The following RSU1 variants were observed in gnomAD, a reference collection of about 807,000 sequenced individuals.
The protein encoded by RSU1 is rsu-1.
RSU1 carries 26 observed loss-of-function variants against 31.1 expected under a neutral mutation model. The ratio of observed to expected loss-of-function variants is 0.84; its 90% confidence interval spans 0.61 to 1.16. RSU1 has a LOEUF of 1.16. Among genes scored for constraint, RSU1 ranks in the 50% most tolerant of loss-of-function variants. RSU1 has a pLI of 0.00. For missense variants in RSU1, 320 were observed against 339.1 expected (o/e 0.94, Z 0.44); for synonymous variants, 164 against 136.3 (o/e 1.20, Z -1.41).
At chr10:16,787,060 T>C (rs1486259486) in intron 2 of RSU1, among the ~76,000 whole-genome samples, 1 of 152,036 alleles carries the variant, frequency 6.6e-6, no homozygotes, top group Non-Finnish European at 1.5e-5. Context: ...CAGAAGACAG[T>C]GCTTGATGTT....
At chr10:16,646,232 C>G (rs978093393) in intron 8 of RSU1, among the ~76,000 whole-genome samples, 1 of 151,814 alleles carries the variant, frequency 6.6e-6, no homozygotes, top group African/African-American at 2.4e-5. Flanking sequence ...TAGGAGAAAG[C>G]CCGTTCCCCA....
intron 8 of RSU1, among the ~76,000 whole-genome samples, chr10:16,599,735 T>C (rs1381333831): frequency 6.6e-6 from 1 of 152,260 alleles, no homozygotes; most frequent in Admixed American, 6.5e-5. Flanking sequence ...GAAGCTTCTC[T>C]GACGCAGGCT....
chr10:16,734,057 T>C (rs1051576784), intron 7 of RSU1, among the ~76,000 whole-genome samples: 1 of 152,200 alleles, frequency 6.6e-6, no homozygotes, highest in African/African-American at 2.4e-5. Flanking sequence ...ACGACTCCAA[T>C]TGCTAAACTG....
chr10:16,627,257 T>C (rs569333045), intron 8 of RSU1, among the ~76,000 whole-genome samples: 1 of 152,230 alleles, frequency 6.6e-6, no homozygotes, highest in Non-Finnish European at 1.5e-5. Flanking sequence ...ATATATTGAA[T>C]GTACTCAACA....
intron 2 of RSU1, among the ~76,000 whole-genome samples, chr10:16,786,657 C>T (rs1405584101): frequency 6.6e-6 from 1 of 152,120 alleles, no homozygotes; most frequent in African/African-American, 2.4e-5. Context: ...TTTAAACACC[C>T]TACGTTCACC....
chr10:16,615,927 G>T (rs920598086), intron 8 of RSU1, among the ~76,000 whole-genome samples: 3 of 152,244 alleles, frequency 2.0e-5, no homozygotes, highest in South Asian at 2.1e-4. Flanking sequence ...AAGCTGGAAA[G>T]ATCTGAAATC....
intron 8 of RSU1, among the ~76,000 whole-genome samples, chr10:16,613,862 G>T (rs1269425371): frequency 6.6e-6 from 1 of 151,384 alleles, no homozygotes; most frequent in Non-Finnish European, 1.5e-5. Flanking sequence ...TCTGGTGAGT[G>T]CAGAAGACTA....
intron 4 of RSU1, among the ~76,000 whole-genome samples, chr10:16,757,744 G>C (rs891245546): frequency 2.0e-5 from 3 of 152,170 alleles, no homozygotes; most frequent in African/African-American, 7.2e-5. Flanking sequence ...CCAGACCCTT[G>C]GGCTCTGATA....
intron 8 of RSU1, among the ~76,000 whole-genome samples, chr10:16,691,745 T>G (rs796471432): frequency 0.034 from 3,405 of 101,216 alleles, 76 homozygotes; most frequent in African/African-American, 0.13. Context: ...TTTTTTTTTT[T>G]TTTGTTTGAA....
At chr10:16,655,931 T>C (rs1834768920) in intron 8 of RSU1, among the ~76,000 whole-genome samples, 2 of 152,196 alleles carry the variant, frequency 1.3e-5, no homozygotes, top group African/African-American at 4.8e-5. Flanking sequence ...AGCTGAGATA[T>C]CTTTGAGGCC....
intron 7 of RSU1, among the ~76,000 whole-genome samples, chr10:16,724,249 T>A (rs1218010145): frequency 6.6e-6 from 1 of 152,194 alleles, no homozygotes; most frequent in South Asian, 2.1e-4. Context: ...AGCTGAGACA[T>A]GCAGTTAAAC....
intron 7 of RSU1, among the ~76,000 whole-genome samples, chr10:16,722,327 T>C (rs1341214970): frequency 6.6e-6 from 1 of 152,078 alleles, no homozygotes; most frequent in Non-Finnish European, 1.5e-5. Flanking sequence ...GAATATTGTT[T>C]AAGAAAACAG....
At chr10:16,690,103 T>C (rs1192952968) in intron 8 of RSU1, among the ~76,000 whole-genome samples, 5 of 152,162 alleles carry the variant, frequency 3.3e-5, no homozygotes, top group Admixed American at 3.3e-4. Flanking sequence ...ACAAAGAATC[T>C]TGTCAAGGGT....
chr10:16,662,974 TA>T (rs56281639), intron 8 of RSU1, among the ~76,000 whole-genome samples: 5,740 of 138,792 alleles, frequency 0.041, 141 homozygotes, highest in African/African-American at 0.084. Flanking sequence ...CAGCAATCTT[TA>T]AAAAAAAAAA....
chr10:16,642,160 T>G (rs1042237501), intron 8 of RSU1, among the ~76,000 whole-genome samples: 3 of 152,106 alleles, frequency 2.0e-5, no homozygotes, highest in African/African-American at 7.2e-5. Context: ...CATCACCTGA[T>G]AGAGAGGAAT....
At chr10:16,721,728 G>GA (rs1346560618) in intron 7 of RSU1, 2 of 152,162 alleles carry the variant, frequency 1.3e-5, no homozygotes, top group Admixed American at 6.5e-5. Flanking sequence ...AACTGCAATG[G>GA]AAAATCGACG....
chr10:16,771,550 A>C (rs1198447553), intron 3 of RSU1, among the ~76,000 whole-genome samples: 1 of 152,224 alleles, frequency 6.6e-6, no homozygotes, highest in Non-Finnish European at 1.5e-5. Context: ...ATACATAAAG[A>C]AGAATCTTCT....
intron 7 of RSU1, among the ~76,000 whole-genome samples, chr10:16,743,192 T>G (rs1253054836): frequency 4.6e-5 from 7 of 152,370 alleles, no homozygotes; most frequent in African/African-American, 1.7e-4. Context: ...GGCATATATT[T>G]GGAACCACAG....
At chr10:16,736,826 G>T (rs56181531) in intron 7 of RSU1, among the ~76,000 whole-genome samples, 1 of 151,962 alleles carries the variant, frequency 6.6e-6, no homozygotes, top group Admixed American at 6.6e-5. Context: ...GAAATAAATA[G>T]TATCTAAATT....
Sources: allele counts gnomAD v4.1 joint callset (sites outside exome capture counted in the v4.1 genomes callset), GRCh38; gene constraint gnomAD v4.1.1; transcripts MANE v1.5; gene names NCBI Gene and HGNC (gene_info 2026-07-23, HGNC 2026-07-21).